The following SLC8A1 variants were observed in gnomAD, a reference collection of about 807,000 sequenced individuals.
SLC8A1 encodes sodium/calcium exchanger 1.
In SLC8A1, 18 loss-of-function variants were observed where a neutral mutation model predicts 68.3. That is an observed-to-expected ratio of 0.26 (90% CI 0.18 to 0.39). The LOEUF is 0.39. Ranked by LOEUF, SLC8A1 falls within the 10% of genes least tolerant of loss-of-function variation. SLC8A1 has a pLI of 1.00. For missense variants in SLC8A1, 985 were observed against 1,156.7 expected (o/e 0.85, Z 2.15); for synonymous variants, 475 against 415.5 (o/e 1.14, Z -1.74).
In SLC8A1 at chr2:40,428,785, T is replaced by A. The variant is rs761964397; in HGVS notation, c.1496A>T (p.Lys499Ile). Reference sequence around the variant, plus strand: ...ATCTTCTGAAGCTTCAGAAGATACTTTGACATTGCTGAGATGCACAAGGAA... The same window carrying A: ...ATCTTCTGAAGCTTCAGAAGATACTATGACATTGCTGAGATGCACAAGGAA... Residue 499 changes from lysine to isoleucine, a missense_variant, in exon 2 of 8, where the codon AAA becomes ATA. Around this residue, in one of 5 missense-constraint regions of SLC8A1, gnomAD observed 584 missense variants for 565.9 expected, o/e 1.03. Coordinates refer to ENST00000406785, the Ensembl canonical transcript of SLC8A1. The A allele has an allele frequency of 9.9e-6, 16 of 1,613,736 alleles. No homozygotes were observed. The highest frequency in any genetic ancestry group is 3.3e-5 in the Admixed American group (2 of 59,882).
At chr2:40,394,286 G>T (rs1371596969) in intron 2 of SLC8A1, among the ~76,000 whole-genome samples, 2 of 152,112 alleles carry the variant, frequency 1.3e-5, no homozygotes, top group Non-Finnish European at 2.9e-5. Context: ...GGTGAATACA[G>T]CCATTCTAGG....
At chr2:40,222,301 G>A (rs1382400958) in intron 2 of SLC8A1, among the ~76,000 whole-genome samples, 1 of 152,174 alleles carries the variant, frequency 6.6e-6, no homozygotes, top group Non-Finnish European at 1.5e-5. Context: ...AATAAATGGT[G>A]TTGGGAAAAC....
At chr2:40,382,193 A>G (rs960431444) in intron 2 of SLC8A1, among the ~76,000 whole-genome samples, 9 of 152,252 alleles carry the variant, frequency 5.9e-5, no homozygotes, top group East Asian at 3.9e-4. Context: ...TCATCCAAAG[A>G]GGCCAAGCTT....
chr2:40,185,451 AC>A (rs2050524121), intron 2 of SLC8A1, among the ~76,000 whole-genome samples: 1 of 152,206 alleles, frequency 6.6e-6, no homozygotes, highest in Non-Finnish European at 1.5e-5. Context: ...ACATGGATGA[AC>A]CCTGAGAACA....
intron 2 of SLC8A1, among the ~76,000 whole-genome samples, chr2:40,305,505 G>T (rs893302433): frequency 1.3e-5 from 2 of 152,160 alleles, no homozygotes; most frequent in African/African-American, 4.8e-5. Flanking sequence ...TGAGAGGATG[G>T]ATCAAGTTAT....
At chr2:40,125,182 C>A (rs2037805900) in intron 7 of SLC8A1, among the ~76,000 whole-genome samples, 1 of 152,144 alleles carries the variant, frequency 6.6e-6, no homozygotes, top group Non-Finnish European at 1.5e-5. Flanking sequence ...TTTTCCTGGT[C>A]CTTTTGGTTA....
At chr2:40,307,182 C>G (rs200782532) in intron 2 of SLC8A1, among the ~76,000 whole-genome samples, 1 of 143,334 alleles carries the variant, frequency 7.0e-6, no homozygotes, top group South Asian at 2.4e-4. Context: ...AACACATACA[C>G]ACACACACAC....
chr2:40,417,578 A>C (rs1226966436), intron 2 of SLC8A1, among the ~76,000 whole-genome samples: 1 of 152,040 alleles, frequency 6.6e-6, no homozygotes, highest in Non-Finnish European at 1.5e-5. Flanking sequence ...GTGTGATCAC[A>C]GCTCACTGCA....
At chr2:40,456,969 G>C (rs563923308), upstream of SLC8A1, among the ~76,000 whole-genome samples, 13 of 152,240 alleles carry the variant, frequency 8.5e-5, no homozygotes, top group East Asian at 2.5e-3. Flanking sequence ...TAAGTACATA[G>C]TGTGGTTAGT....
intron 2 of SLC8A1, among the ~76,000 whole-genome samples, chr2:40,262,010 C>T (rs116823249): frequency 0.033 from 4,981 of 151,254 alleles, 99 homozygotes; most frequent in South Asian, 0.07. Flanking sequence ...GTGGCCAGGC[C>T]GGAGTGCAGT....
chr2:40,203,851 T>C (rs914749940), intron 2 of SLC8A1, among the ~76,000 whole-genome samples: 1 of 151,832 alleles, frequency 6.6e-6, no homozygotes, highest in Non-Finnish European at 1.5e-5. Context: ...ACTACATGCA[T>C]GAACTACCAC....
chr2:40,143,020 C>CAAAGAATCTT (rs2041871591), intron 6 of SLC8A1, among the ~76,000 whole-genome samples: 1 of 151,968 alleles, frequency 6.6e-6, no homozygotes. Flanking sequence ...TCCAATATCA[C>CAAAGAATCTT]AAAGAATCTT....
intron 2 of SLC8A1, among the ~76,000 whole-genome samples, chr2:40,289,637 G>A (rs2149223873): frequency 6.6e-6 from 1 of 152,082 alleles, no homozygotes; most frequent in East Asian, 1.9e-4. Flanking sequence ...GATCACTTGA[G>A]GTCAGGAGTT....
intron 1 of SLC8A1, 116 bp from the exon 2 acceptor site, chr2:40,430,420 A>G (rs1276786359): frequency 4.4e-6 from 5 of 1,149,114 alleles, no homozygotes; most frequent in Non-Finnish European, 5.9e-6. Flanking sequence ...TTTATATTTG[A>G]CCATCACAAA....
At chr2:40,143,104 C>T (rs2041883835) in intron 6 of SLC8A1, among the ~76,000 whole-genome samples, 1 of 152,130 alleles carries the variant, frequency 6.6e-6, no homozygotes, top group African/African-American at 2.4e-5. Flanking sequence ...AGTGGCCTCC[C>T]ATCCTTTTCT....
upstream of SLC8A1, among the ~76,000 whole-genome samples, chr2:40,452,581 A>C (rs565896732): frequency 6.6e-5 from 10 of 152,122 alleles, no homozygotes; most frequent in Non-Finnish European, 1.3e-4. Context: ...GACTTTGTTA[A>C]TCCAACTATC....
intron 2 of SLC8A1, among the ~76,000 whole-genome samples, chr2:40,261,153 A>G (rs2149093954): frequency 6.6e-6 from 1 of 152,278 alleles, no homozygotes; most frequent in Middle Eastern, 3.4e-3. Flanking sequence ...AGGTCATTCT[A>G]TCACACCAAC....
intron 1 of SLC8A1, among the ~76,000 whole-genome samples, chr2:40,473,672 C>T (rs547872796): frequency 4.6e-5 from 7 of 152,126 alleles, no homozygotes; most frequent in South Asian, 2.1e-4. Context: ...GTCTTGCTGT[C>T]GAAGACAAAG....
chr2:40,133,662 C>T (rs17038992), intron 7 of SLC8A1, among the ~76,000 whole-genome samples: 20,968 of 150,936 alleles, frequency 0.14, 1,702 homozygotes, highest in African/African-American at 0.2. Flanking sequence ...CACCAAGACG[C>T]GCAGAGAAAG....
Sources: gnomAD v4.1 joint callset for allele counts (sites outside exome capture counted in the v4.1 genomes callset) on GRCh38, gnomAD v4.1.1 for gene constraint, gnomAD v4.1.1 regional missense constraint, MANE v1.5 for transcripts, NCBI Gene and HGNC (gene_info 2026-07-23, HGNC 2026-07-21) for gene names.